SUGCT: variants seen among roughly 807,000 people sequenced by gnomAD.
SUGCT encodes succinyl-CoA:glutarate-CoA transferase, also known as succinyl-CoA:glutarate CoA-transferase.
SUGCT carries 41 observed loss-of-function variants against 55.0 expected under a neutral mutation model. The observed-to-expected ratio is 0.74, with a 90% CI of 0.58 to 0.97. SUGCT has a LOEUF of 0.97. Among genes scored for constraint, SUGCT ranks in the 50% least tolerant of loss-of-function variants. The pLI is 0.00. For missense variants in SUGCT, 568 were observed against 547.8 expected (o/e 1.04, Z -0.37); for synonymous variants, 187 against 200.4 (o/e 0.93, Z 0.56).
intron 11 of SUGCT, among the ~76,000 whole-genome samples, chr7:40,472,676 A>C (rs749961546): frequency 1.3e-5 from 2 of 151,982 alleles, no homozygotes; most frequent in African/African-American, 4.8e-5. Context: ...AATAATAAAA[A>C]CTTCAGGGAT....
intron 12 of SUGCT, among the ~76,000 whole-genome samples, chr7:40,559,513 A>AT: frequency 1.3e-5 from 2 of 152,190 alleles, no homozygotes. Flanking sequence ...CATTTCCCTC[A>AT]TTTTTATCAT....
At position 40,239,211 on chromosome 7, in the gene SUGCT, G is replaced by C. The variant is rs759882389; in HGVS notation, c.576+1485G>C. Among the ~76,000 whole-genome samples, 8 of 152,186 alleles carry C rather than the reference G, an allele frequency of 5.3e-5. No homozygotes were observed. The South Asian group carries it at 1.2e-3, about 24-fold the overall frequency. On this transcript the variant is annotated intron_variant, in intron 7 of 13. Transcript: ENST00000335693. ...TTCTCCAACCTCAGCCTCCAACATA[G>C]CTTGGACTACAGGTGTGTGGCACCA...
intron 13 of SUGCT, among the ~76,000 whole-genome samples, chr7:40,810,296 C>T (rs1259688422): frequency 1.3e-5 from 2 of 152,058 alleles, no homozygotes; most frequent in Non-Finnish European, 2.9e-5. Flanking sequence ...AATGGGATTG[C>T]TAGGTCAAAT....
intron 12 of SUGCT, among the ~76,000 whole-genome samples, chr7:40,583,606 A>G (rs999570731): frequency 1.3e-5 from 2 of 152,324 alleles, no homozygotes; most frequent in Non-Finnish European, 2.9e-5. Context: ...CATTAAACCA[A>G]TGGCTCTTTT....
chr7:40,931,871 C>G, the SUGCT span, among the ~76,000 whole-genome samples: 3 of 152,094 alleles, frequency 2.0e-5, no homozygotes, highest in African/African-American at 7.2e-5. Context: ...TTCAAAAAAC[C>G]AGCTCCTGGA....
At chr7:40,140,959 A>C (rs1787950544) in intron 1 of SUGCT, among the ~76,000 whole-genome samples, 2 of 152,164 alleles carry the variant, frequency 1.3e-5, no homozygotes, top group African/African-American at 2.4e-5. Context: ...AACCACATTA[A>C]TTCTTTCAGC....
intron 13 of SUGCT, among the ~76,000 whole-genome samples, chr7:40,806,748 A>C (rs1420130881): frequency 6.6e-6 from 1 of 152,324 alleles, no homozygotes; most frequent in East Asian, 1.9e-4. Context: ...TAAAATCAAT[A>C]ATATTGGTAC....
intron 7 of SUGCT, among the ~76,000 whole-genome samples, chr7:40,244,040 G>T (rs1411990753): frequency 2.6e-5 from 4 of 152,108 alleles, no homozygotes; most frequent in Non-Finnish European, 2.9e-5. Context: ...GAGTGTGGTG[G>T]CAGGTGCCTG....
chr7:40,583,907 AT>A (rs2151717045), intron 12 of SUGCT, among the ~76,000 whole-genome samples: 1 of 152,236 alleles, frequency 6.6e-6, no homozygotes, highest in African/African-American at 2.4e-5. Flanking sequence ...ACACGAGGGA[AT>A]TTTTACTTGC....
the SUGCT span, among the ~76,000 whole-genome samples, chr7:40,932,833 C>T: frequency 6.6e-6 from 1 of 150,926 alleles, no homozygotes; most frequent in Admixed American, 6.6e-5. Flanking sequence ...TGTCTCTGCA[C>T]ATGAGATGGG....
chr7:41,016,378 C>A, the SUGCT span, among the ~76,000 whole-genome samples: 2 of 151,928 alleles, frequency 1.3e-5, no homozygotes, highest in Non-Finnish European at 2.9e-5. Context: ...ATGGAGCAGC[C>A]CATAAGATAG....
chr7:40,635,826 C>G (rs1338784233), intron 12 of SUGCT, among the ~76,000 whole-genome samples: 1 of 152,134 alleles, frequency 6.6e-6, no homozygotes, highest in East Asian at 1.9e-4. Flanking sequence ...GTGCAGATAC[C>G]CAGGTATCAC....
At chr7:40,628,768 TC>T (rs1799645869) in intron 12 of SUGCT, among the ~76,000 whole-genome samples, 1 of 151,780 alleles carries the variant, frequency 6.6e-6, no homozygotes, top group South Asian at 2.1e-4. Flanking sequence ...TTAGATGGAG[TC>T]TCACTCTGCC....
At chr7:40,608,773 A>T (rs1798634407) in intron 12 of SUGCT, among the ~76,000 whole-genome samples, 1 of 152,196 alleles carries the variant, frequency 6.6e-6, no homozygotes, top group Non-Finnish European at 1.5e-5. Context: ...AGTCTGTTTT[A>T]CCAATGAGCC....
At chr7:40,624,636 G>A (rs1051527165) in intron 12 of SUGCT, among the ~76,000 whole-genome samples, 3 of 152,004 alleles carry the variant, frequency 2.0e-5, no homozygotes, top group African/African-American at 4.8e-5. Context: ...CTCTATATGC[G>A]GTTTTAAACT....
intron 10 of SUGCT, among the ~76,000 whole-genome samples, chr7:40,453,929 G>A (rs570323175): frequency 1.3e-5 from 2 of 152,158 alleles, no homozygotes; most frequent in East Asian, 3.9e-4. Context: ...TTTAATAAAT[G>A]GGATATAGAA....
the SUGCT span, among the ~76,000 whole-genome samples, chr7:41,000,063 A>G: frequency 6.6e-6 from 1 of 152,034 alleles, no homozygotes; most frequent in East Asian, 1.9e-4. Flanking sequence ...GGAGTGTTTT[A>G]TTTTGTTTTG....
At chr7:40,505,392 C>CT (rs1229052083) in intron 12 of SUGCT, among the ~76,000 whole-genome samples, 2 of 151,932 alleles carry the variant, frequency 1.3e-5, no homozygotes, top group Non-Finnish European at 2.9e-5. Context: ...TGCCATTTTG[C>CT]TTTATGTTTT....
chr7:40,993,642 G>T, the SUGCT span, among the ~76,000 whole-genome samples: 1 of 152,134 alleles, frequency 6.6e-6, no homozygotes. Context: ...AAGGTGACTT[G>T]TTTCCCATTG....
Sources: allele counts gnomAD v4.1 joint callset (sites outside exome capture counted in the v4.1 genomes callset), GRCh38; gene constraint gnomAD v4.1.1; transcripts MANE v1.5; gene names NCBI Gene and HGNC (gene_info 2026-07-23, HGNC 2026-07-21).